ABCD3: variants seen among roughly 807,000 people sequenced by gnomAD.
ABCD3 encodes ATP-binding cassette sub-family D member 3.
Under a neutral mutation model 105.5 loss-of-function variants are expected in ABCD3, and 41 were observed. The observed-to-expected ratio is 0.39, with a 90% confidence interval of 0.30 to 0.50. The LOEUF (loss-of-function observed/expected upper bound fraction) is 0.50, where lower values mean the gene tolerates loss of function less well. Ranked by LOEUF, ABCD3 falls within the 20% of genes least tolerant of loss-of-function variation. The probability of loss-of-function intolerance (pLI) is 0.84; values close to 1 mark genes in which losing one functional copy is unlikely to be tolerated. For synonymous variants in ABCD3, 258 were observed against 269.0 expected, an observed-to-expected ratio of 0.96 and a Z score of 0.40; for missense variants, 622 against 806.3, an observed-to-expected ratio of 0.77 and a Z score of 2.77.
the ABCD3 span, among the ~76,000 whole-genome samples, chr1:94,411,698 G>T: frequency 3.3e-5 from 5 of 152,014 alleles, no homozygotes; most frequent in African/African-American, 1.2e-4. Flanking sequence ...GTACATTCAC[G>T]TTCATTGTAG....
intron 22 of ABCD3, 141 bp from the exon 23 acceptor site, chr1:94,516,911 T>TA (rs1570850313): frequency 2.8e-6 from 2 of 701,960 alleles, no homozygotes; most frequent in East Asian, 5.3e-5. Context: ...GTCATGGAGT[T>TA]ACGGAAGCAT....
chr1:94,506,374 T>C (rs957439255), intron 20 of ABCD3, among the ~76,000 whole-genome samples, 164 bp from the exon 21 acceptor site: 8 of 152,182 alleles, frequency 5.3e-5, no homozygotes, highest in African/African-American at 1.7e-4. Context: ...AAAACAGTTA[T>C]GTTTATATTG....
rs1392964560 is a variant in ABCD3 at position 94,426,871 on chromosome 1, T to A, written c.110+8283T>A. Among the ~76,000 whole-genome samples, 9 of 104,548 alleles carry A rather than the reference T, an allele frequency of 8.6e-5. No individual in the cohort carries two copies. The East Asian group carries it at 8.8e-4, about 10-fold the overall frequency. 68.6% of individuals were successfully genotyped at this position (104,548 alleles called of 152,430 possible). A position where few individuals can be genotyped will look rare whatever the true frequency, so the allele number is the denominator to read the frequency against. The stretch of plus-strand genomic sequence containing the variant: ...GAATTTTTTTTTTTTTTTTTTTTTT[T>A]AAACCTGGGTGCAGGTCTTTATACT... On this transcript the variant is annotated intron_variant, in intron 1 of 22. Coordinates refer to ENST00000370214, the MANE Select transcript of ABCD3 (RefSeq NM_002858.4).
chr1:94,501,305 C>T (rs551545825), intron 20 of ABCD3, among the ~76,000 whole-genome samples: 9 of 149,524 alleles, frequency 6.0e-5, no homozygotes, highest in African/African-American at 1.7e-4. Flanking sequence ...ATAATAGAGG[C>T]GTTTGGGAAA....
intron 10 of ABCD3, among the ~76,000 whole-genome samples, chr1:94,485,154 T>C (rs1363890362): frequency 5.3e-5 from 8 of 152,232 alleles, no homozygotes; most frequent in African/African-American, 1.9e-4. Context: ...ATATAAGCAT[T>C]GTTTCTTGTG....
chr1:94,401,754 T>G, the ABCD3 span, among the ~76,000 whole-genome samples: 1 of 152,230 alleles, frequency 6.6e-6, no homozygotes, highest in Non-Finnish European at 1.5e-5. Context: ...AAGATCTTTC[T>G]TTTTAAAAAA....
intron 4 of ABCD3, among the ~76,000 whole-genome samples, chr1:94,470,416 G>C (rs1648396969): frequency 6.6e-6 from 1 of 152,152 alleles, no homozygotes; most frequent in Non-Finnish European, 1.5e-5. Flanking sequence ...CTGTTGTGCA[G>C]CTCCAGGGTG....
At chr1:94,385,273 A>T in the ABCD3 span, among the ~76,000 whole-genome samples, 4,527 of 152,294 alleles carry the variant, frequency 0.03, 184 homozygotes, top group African/African-American at 0.087. Context: ...TTATCTTGGA[A>T]CTGGCATTCC....
Position 94,518,325 on chromosome 1 carries a change from A to G in ABCD3, c.*1196A>G, listed in dbSNP as rs1398584283. On this transcript the variant is annotated 3_prime_UTR_variant, in exon 23 of 23. Coordinates refer to ENST00000370214, the MANE Select transcript of ABCD3 (RefSeq NM_002858.4). Reference sequence around the variant, plus strand: ...CAGTTTCTCAAACTGAGCTTCAGAAAGGGGCATTTTGTACTCTTGTTTTTG... The same window carrying G: ...CAGTTTCTCAAACTGAGCTTCAGAAGGGGGCATTTTGTACTCTTGTTTTTG... 1 of 152,262 alleles carries G rather than the reference A, an allele frequency of 6.6e-6. No individual in the cohort carries two copies. The highest frequency in any genetic ancestry group is 1.9e-4 in the East Asian group (1 of 5,184). The allele number at this position is 152,262 out of a possible 1,614,324, so 9.4% of individuals were successfully genotyped here. A position where few individuals can be genotyped will look rare whatever the true frequency, so the allele number is the denominator to read the frequency against.
chr1:94,468,775 GT>G (rs1473311441), intron 4 of ABCD3, among the ~76,000 whole-genome samples: 1 of 152,038 alleles, frequency 6.6e-6, no homozygotes, highest in Non-Finnish European at 1.5e-5. Flanking sequence ...TGGAATAAAG[GT>G]TTTTTTCTCT....
chr1:94,506,505 T>A (rs1418984594), intron 20 of ABCD3, 33 bp from the exon 21 acceptor site: 1 of 1,358,210 alleles, frequency 7.4e-7, no homozygotes, highest in East Asian at 2.3e-5. Flanking sequence ...GGTCTGCCTG[T>A]GTTTTACACA....
chr1:94,453,233 A>G (rs1647345122), intron 1 of ABCD3, among the ~76,000 whole-genome samples: 1 of 152,080 alleles, frequency 6.6e-6, no homozygotes, highest in Non-Finnish European at 1.5e-5. Context: ...ATAGAAGGGT[A>G]GGAGGTGGGC....
the ABCD3 span, among the ~76,000 whole-genome samples, chr1:94,390,691 TG>T: frequency 6.6e-6 from 1 of 152,176 alleles, no homozygotes; most frequent in Admixed American, 6.6e-5. Context: ...TTAACTTGGC[TG>T]AGGGGAAGGA....
chr1:94,445,047 A>G (rs370336060), intron 1 of ABCD3, among the ~76,000 whole-genome samples: 1 of 152,204 alleles, frequency 6.6e-6, no homozygotes, highest in African/African-American at 2.4e-5. Flanking sequence ...AGCCAGACCC[A>G]TCCCCTTGTT....
intron 1 of ABCD3, among the ~76,000 whole-genome samples, chr1:94,458,386 G>A (rs369151513): frequency 9.8e-5 from 15 of 152,312 alleles, no homozygotes; most frequent in African/African-American, 3.6e-4. Context: ...CAGAATGTCT[G>A]TTACATAATA....
At chr1:94,440,769 C>T (rs144778997) in intron 1 of ABCD3, among the ~76,000 whole-genome samples, 29 of 152,200 alleles carry the variant, frequency 1.9e-4, no homozygotes, top group Middle Eastern at 3.4e-3. Flanking sequence ...TTTCTAGTTT[C>T]GTTGTATGTG....
At chr1:94,446,706 AC>A (rs1467621608) in intron 1 of ABCD3, among the ~76,000 whole-genome samples, 1 of 152,194 alleles carries the variant, frequency 6.6e-6, no homozygotes, top group East Asian at 1.9e-4. Flanking sequence ...ACAGGAGCGG[AC>A]ATTTCAATCA....
At position 94,489,980 on chromosome 1, in the gene ABCD3, G is replaced by A. The variant is rs766250434; in HGVS notation, c.1322+5G>A. On this transcript the variant is annotated splice_donor_5th_base_variant and intron_variant, in intron 15 of 22. Transcript: ENST00000370214. ...TATTGCAGATAACATTATAAAGTAC[G>A]TACAGAAAAAGGTCTTTTAGCACCA... is the stretch of plus-strand genomic sequence containing the variant. 7.4e-6 allele frequency: 12 copies of A among 1,611,660 alleles called. No homozygotes were observed. The highest frequency in any genetic ancestry group is 3.3e-5 in the Admixed American group (2 of 59,946).
chr1:94,489,736 G>A lies in ABCD3; in HGVS notation c.1169G>A (p.Arg390Gln), dbSNP rs1211832367. The A allele has an allele frequency of 5.0e-6, 8 of 1,612,432 alleles. No homozygotes were observed. The highest frequency in any genetic ancestry group is 1.3e-5 in the African/African-American group (1 of 74,908). Residue 390 changes from arginine to glutamine, a missense_variant, in exon 14 of 23, where the codon CGG (arginine) becomes CAG (glutamine). Physicochemically the swap from Arg to Gln is conservative, Grantham distance 43. Coordinates refer to ENST00000370214, the MANE Select transcript of ABCD3 (RefSeq NM_002858.4). ...TTCTAAAATTTTAGTTTTACTGCTC[G>A]GATTACAGAATTAATGCAAGTACTG... ...EMTRLAGFTA[R>Q]ITELMQVLKD... is the part of the protein sequence containing the mutation.
Sources: allele counts gnomAD v4.1 joint callset (sites outside exome capture counted in the v4.1 genomes callset), GRCh38; gene constraint gnomAD v4.1.1; transcripts MANE v1.5; gene names NCBI Gene and HGNC (gene_info 2026-07-23, HGNC 2026-07-21).